Variants in ARID1B observed in about 807,000 individuals in gnomAD.
The protein encoded by ARID1B is AT-rich interactive domain-containing protein 1B.
A neutral mutation model predicts 212.3 loss-of-function variants in ARID1B; 30 were observed. The ratio of observed to expected loss-of-function variants is 0.14; its 90% CI spans 0.11 to 0.19. The LOEUF is 0.19. Ranked by LOEUF, ARID1B falls within the 10% of genes least tolerant of loss-of-function variation. The probability of loss-of-function intolerance (pLI) is 1.00; values close to 1 mark genes in which losing one functional copy is unlikely to be tolerated. For missense variants in ARID1B, 2,891 were observed against 3,204.0 expected (o/e 0.90, Z 2.36); for synonymous variants, 1,402 against 1,301.7 (o/e 1.08, Z -1.66).
chr6:157,045,749 C>G (rs182325595), intron 4 of ARID1B, among the ~76,000 whole-genome samples: 1 of 152,110 alleles, frequency 6.6e-6, no homozygotes, highest in Admixed American at 6.5e-5. Flanking sequence ...ACATTTTAAT[C>G]TTTTTTATTT....
intron 1 of ARID1B, among the ~76,000 whole-genome samples, chr6:156,824,057 G>T (rs1782575825): frequency 6.6e-6 from 1 of 152,084 alleles, no homozygotes; most frequent in Non-Finnish European, 1.5e-5. Flanking sequence ...ATGCTTAGAA[G>T]AATCTATATA....
At chr6:157,176,582 A>G (rs966238309) in intron 11 of ARID1B, among the ~76,000 whole-genome samples, 2 of 152,222 alleles carry the variant, frequency 1.3e-5, no homozygotes, top group African/African-American at 4.8e-5. Context: ...GCGGTGGCTC[A>G]CGCCTATAAT....
At chr6:157,165,230 C>T (rs1216083543) in intron 8 of ARID1B, among the ~76,000 whole-genome samples, 1 of 151,008 alleles carries the variant, frequency 6.6e-6, no homozygotes, top group African/African-American at 2.5e-5. Context: ...TAATGAACTC[C>T]AAGGGGTATT....
Position 157,207,151 on chromosome 6 carries a change from G to C in ARID1B, c.6379G>C (p.Gly2127Arg). The change falls in exon 20 of 20, where the codon GGG becomes CGG. Residue 2127 changes from glycine to arginine, a missense_variant. Transcript: ENST00000636930. This position sits in a 1 kb window ranked among gnomAD's most constrained non-coding sequence, Gnocchi z 8.5. ...TGAGAAAGAGGAGGATGAGGACAAGGGGGTGGCCTGCAGCAAAGATGAGTG... is the reference window on the plus strand; with the variant it reads ...TGAGAAAGAGGAGGATGAGGACAAGCGGGTGGCCTGCAGCAAAGATGAGTG... Reference protein sequence around the residue: ...TYEKEEDEDKGVACSKDEWWW... With the variant: ...TYEKEEDEDKRVACSKDEWWW... 4 of 1,614,236 alleles carry C rather than the reference G, an allele frequency of 2.5e-6. No homozygotes were observed. Among genetic ancestry groups the C allele is most frequent in the Non-Finnish European group, 3.4e-6 (4 of 1,180,046 alleles).
chr6:156,923,220 T>A (rs1464844034), intron 3 of ARID1B, among the ~76,000 whole-genome samples: 1 of 152,104 alleles, frequency 6.6e-6, no homozygotes, highest in Non-Finnish European at 1.5e-5. Context: ...GGTAATGGAG[T>A]AATATCCAAA....
At position 156,806,750 on chromosome 6, in the gene ARID1B, C is replaced by T. The variant is rs541739628; in HGVS notation, c.1792-22477C>T. Among the ~76,000 whole-genome samples, 17 of 152,286 alleles carry T rather than the reference C, an allele frequency of 1.1e-4. No individual in the cohort carries two copies. In the South Asian group the frequency reaches 2.9e-3, roughly 26 times the overall value. On this transcript the variant is annotated intron_variant, in intron 1 of 19. Coordinates refer to ENST00000636930, the MANE Select transcript of ARID1B (RefSeq NM_001374828.1). ...ACAGTGATTCTTTAGCTTAGAGACA[C>T]GTTTGGATCAGGGGGTCAGCAAACT...
At chr6:157,199,822 C>T (rs1338047213) in intron 17 of ARID1B, among the ~76,000 whole-genome samples, 1 of 151,894 alleles carries the variant, frequency 6.6e-6, no homozygotes, top group African/African-American at 2.4e-5. Flanking sequence ...CGCCACCATG[C>T]CCAGCTAATT....
intron 6 of ARID1B, among the ~76,000 whole-genome samples, chr6:157,119,409 C>T (rs1233411030): frequency 6.6e-6 from 1 of 152,134 alleles, no homozygotes; most frequent in African/African-American, 2.4e-5. Flanking sequence ...TTATCCAGCC[C>T]CGGCTTCCTT....
At chr6:156,810,001 C>T (rs950975228) in intron 1 of ARID1B, among the ~76,000 whole-genome samples, 1 of 152,184 alleles carries the variant, frequency 6.6e-6, no homozygotes. Context: ...GAATCAGATT[C>T]AGGAGGGAGG....
intron 1 of ARID1B, among the ~76,000 whole-genome samples, chr6:156,822,945 G>T (rs1210343296): frequency 6.6e-6 from 1 of 152,168 alleles, no homozygotes; most frequent in African/African-American, 2.4e-5. Flanking sequence ...TATGCTCAGG[G>T]AAAAACAGAG....
At chr6:156,800,906 A>G (rs1016009576) in intron 1 of ARID1B, among the ~76,000 whole-genome samples, 4 of 152,142 alleles carry the variant, frequency 2.6e-5, no homozygotes, top group Admixed American at 6.5e-5. Flanking sequence ...TAAAAAAAAA[A>G]TTAATTAAAT....
rs111845551 is a variant in ARID1B, at chr6:157,114,523, CAAAAAAAAA to C, written c.2581+3982_2581+3990del. Among the ~76,000 whole-genome samples, 58 of 50,414 alleles carry C rather than the reference CAAAAAAAAA, an allele frequency of 1.2e-3. 1 individual carries two copies. Among genetic ancestry groups the C allele is most frequent in the African/African-American group, 3.5e-3 (53 of 15,006 alleles). 33.1% of individuals were successfully genotyped at this position (50,414 alleles called of 152,430 possible). On this transcript the variant is annotated intron_variant, in intron 6 of 19. Coordinates refer to ENST00000636930, the MANE Select transcript of ARID1B (RefSeq NM_001374828.1). ...TGGGCGACAGAGCGACACTCCGTCT[CAAAAAAAAA>C]AAAAAAAAAAAAAAAAAAAGGTATA... is the stretch of plus-strand genomic sequence containing the variant.
chr6:157,020,789 T>A (rs2128472342), intron 4 of ARID1B, among the ~76,000 whole-genome samples: 1 of 152,370 alleles, frequency 6.6e-6, no homozygotes, highest in Non-Finnish European at 1.5e-5. Context: ...ACTCAATAAA[T>A]TATTTTTTTA....
rs1014862851 is a variant in ARID1B at position 156,888,017 on chromosome 6, C to T, written c.1987-13359C>T. Among the ~76,000 whole-genome samples, 4 of 152,308 alleles carry T rather than the reference C, an allele frequency of 2.6e-5. No individual in the cohort carries two copies. The East Asian group carries it at 7.7e-4, about 29-fold the overall frequency. Reference sequence around the variant, plus strand: ...CTATTTTCTGTACCCTGTCCCCACCCCATAGTTATCTCAAAGAGAACAGTC... The same window carrying T: ...CTATTTTCTGTACCCTGTCCCCACCTCATAGTTATCTCAAAGAGAACAGTC... On this transcript the variant is annotated intron_variant, in intron 2 of 19. Transcript: ENST00000636930.
chr6:157,163,057 G>A (rs529105230), intron 8 of ARID1B, among the ~76,000 whole-genome samples: 12 of 152,252 alleles, frequency 7.9e-5, no homozygotes, highest in East Asian at 1.9e-4. Flanking sequence ...CATTCTGCTC[G>A]TTTCAATTCA....
At chr6:156,798,488 T>C (rs1265355405) in intron 1 of ARID1B, among the ~76,000 whole-genome samples, 1 of 152,286 alleles carries the variant, frequency 6.6e-6, no homozygotes, top group Non-Finnish European at 1.5e-5. Context: ...TGTTACATGA[T>C]GGTACCAGGA....
intron 7 of ARID1B, among the ~76,000 whole-genome samples, chr6:157,138,887 G>GA (rs1355402753): frequency 1.3e-5 from 2 of 152,052 alleles, no homozygotes; most frequent in Non-Finnish European, 2.9e-5. Flanking sequence ...GCTAATATTA[G>GA]AAAAAACAAA....
chr6:156,865,688 A>G (rs377264626), intron 2 of ARID1B, among the ~76,000 whole-genome samples: 5 of 151,392 alleles, frequency 3.3e-5, no homozygotes, highest in East Asian at 1.9e-4. Context: ...CTCTTCTTCT[A>G]TTTTTCATGT....
chr6:156,818,278 C>T (rs1477277904), intron 1 of ARID1B, among the ~76,000 whole-genome samples: 2 of 151,816 alleles, frequency 1.3e-5, no homozygotes, highest in African/African-American at 2.4e-5. Context: ...ATTTTAAAAC[C>T]AGGGGCAAAT....
Sources: gnomAD v4.1 joint callset for allele counts (sites outside exome capture counted in the v4.1 genomes callset) on GRCh38, gnomAD v4.1.1 for gene constraint, Gnocchi (gnomAD v3.1) non-coding constraint, MANE v1.5 for transcripts, NCBI Gene and HGNC (gene_info 2026-07-23, HGNC 2026-07-21) for gene names.